THRA: variants seen among roughly 807,000 people sequenced by gnomAD.
The protein encoded by THRA is thyroid hormone receptor alpha.
In THRA, 13 loss-of-function variants were observed where a neutral mutation model predicts 45.0. The ratio of observed to expected loss-of-function variants is 0.29; its 90% CI spans 0.19 to 0.46. THRA has a LOEUF of 0.46. Ranked by LOEUF, THRA falls within the 20% of genes least tolerant of loss-of-function variation. The pLI is 1.00. For synonymous variants in THRA, 195 were observed against 214.0 expected (o/e 0.91, Z 0.78); for missense variants, 278 against 556.1 (o/e 0.50, Z 5.03).
rs755937821 is a variant in THRA at position 40,080,717 on chromosome 17, CTT to C, written c.223-3097_223-3096del. Among the ~76,000 whole-genome samples the C allele has an allele frequency of 6.2e-3, 617 of 99,250 alleles. 5 individuals are homozygous for C. Among genetic ancestry groups the C allele is most frequent in the African/African-American group, 0.023 (584 of 25,060 alleles). The allele number at this position is 99,250 out of a possible 152,430, so 65.1% of individuals were successfully genotyped here. On this transcript the variant is annotated intron_variant, in intron 4 of 8. Transcript: ENST00000450525. ...TATCTTTGGTAGGTGCCTTTGGTGA[CTT>C]TTTTTTTTTTTTTTTTTTTTCAAGA...
chr17:40,086,478 CATT>C (rs1798696821), intron 6 of THRA, among the ~76,000 whole-genome samples: 1 of 152,172 alleles, frequency 6.6e-6, no homozygotes, highest in South Asian at 2.1e-4. Context: ...AGTATTCAGT[CATT>C]ATAGCTGCTA....
At chr17:40,069,327 C>T (rs553151904) in intron 1 of THRA, among the ~76,000 whole-genome samples, 3 of 150,138 alleles carry the variant, frequency 2.0e-5, no homozygotes, top group African/African-American at 7.4e-5. Context: ...GCCAGTTCTG[C>T]TTGGTTAGGG....
rs1458636609 is a variant in THRA at position 40,089,288 on chromosome 17, C to T, written c.1065C>T (p.His355=). Residue 355 remains histidine, a synonymous_variant, in exon 9 of 9, where the codon CAC becomes CAT. Transcript: ENST00000450525. The surrounding 1 kb of genome is among the most constrained non-coding windows in gnomAD (Gnocchi z 6.1). ...YLLAFEHYVN[H]RKHNIPHFWP... ...TGGCGTTCGAGCACTACGTCAACCA[C>T]CGCAAACACAACATTCCGCACTTCT... 1.2e-6 allele frequency: 2 copies of T among 1,614,034 alleles called. No individual in the cohort carries two copies. Among genetic ancestry groups the T allele is most frequent in the East Asian group, 2.2e-5 (1 of 44,866 alleles).
intron 6 of THRA, 138 bp downstream of exon 6, chr17:40,084,953 C>T (rs1263331089): frequency 1.1e-6 from 1 of 941,486 alleles, no homozygotes; most frequent in Non-Finnish European, 1.6e-6. Context: ...TTTTGCTGTC[C>T]AGATTTTATA....
At position 40,092,138 on chromosome 17, in the gene THRA, A is replaced by G. The variant is rs1987586549; in HGVS notation, c.*2682A>G. The G allele has an allele frequency of 6.6e-6, 1 of 151,918 alleles. No individual in the cohort carries two copies. The highest frequency in any genetic ancestry group is 1.5e-5 in the Non-Finnish European group (1 of 67,982). 9.4% of individuals were successfully genotyped at this position (151,918 alleles called of 1,614,324 possible). A position where few individuals can be genotyped will look rare whatever the true frequency, so the allele number is the denominator to read the frequency against. On this transcript the variant is annotated 3_prime_UTR_variant, in exon 9 of 9. Coordinates refer to ENST00000450525, the MANE Select transcript of THRA (RefSeq NM_199334.5). ...TCTCCATCTCAGTATTGCCCCTCCC[A>G]TCACTCATAACACACATACCTCATC... is the stretch of plus-strand genomic sequence containing the variant.
chr17:40,090,079 A>G lies in THRA; in HGVS notation c.*623A>G. On this transcript the variant is annotated 3_prime_UTR_variant, in exon 9 of 9. Transcript: ENST00000450525. ...AGAGAGCGAGCGATAGAGAGAGATG[A>G]TATTAAGTTATTAACTGAGGCTGAC... 1 of 973,028 alleles carries G rather than the reference A, an allele frequency of 1.0e-6. No individual in the cohort carries two copies. The highest frequency in any genetic ancestry group is 1.2e-6 in the Non-Finnish European group (1 of 818,284). The allele number at this position is 973,028 out of a possible 1,614,324, so 60.3% of individuals were successfully genotyped here.
chr17:40,086,943 C>G, intron 7 of THRA, 90 bp downstream of exon 7: 1 of 1,561,378 alleles, frequency 6.4e-7, no homozygotes, highest in South Asian at 1.2e-5. Flanking sequence ...CTGAGGTTCT[C>G]TGGACAAGGA....
chr17:40,087,096 ACACACATACACACACACATACACCCAG>A (rs1299365520), intron 7 of THRA: 1 of 517,962 alleles, frequency 1.9e-6, no homozygotes, highest in Admixed American at 3.5e-5. Context: ...ACGTACACAG[ACACACATACACACACACATACACCCAG>A]CACACAGACA....
chr17:40,091,587 C>G lies in THRA; in HGVS notation c.*2131C>G, dbSNP rs930944804. On this transcript the variant is annotated 3_prime_UTR_variant, in exon 9 of 9. Coordinates refer to ENST00000450525, the MANE Select transcript of THRA (RefSeq NM_199334.5). ...TCTGCTGTCTTCCCCATCCCTCCAT[C>G]CCCACCCCAACCCCTCCATCCCCAT... 6 of 147,134 alleles carry G rather than the reference C, an allele frequency of 4.1e-5. No individual in the cohort carries two copies. Among genetic ancestry groups the G allele is most frequent in the African/African-American group, 1.5e-4 (6 of 40,318 alleles). The allele number at this position is 147,134 out of a possible 1,614,324, so 9.1% of individuals were successfully genotyped here. A position where few individuals can be genotyped will look rare whatever the true frequency, so the allele number is the denominator to read the frequency against.
At position 40,092,166 on chromosome 17, in the gene THRA, G is replaced by C. The variant is rs1273491655; in HGVS notation, c.*2710G>C. ...ACTCATAACACACATACCTCATCCA[G>C]CCTCCTCCCTGCTCAGACTTGGGGA... On this transcript the variant is annotated 3_prime_UTR_variant, in exon 9 of 9. Transcript: ENST00000450525. 2 of 152,164 alleles carry C rather than the reference G, an allele frequency of 1.3e-5. No individual in the cohort carries two copies. Among genetic ancestry groups the C allele is most frequent in the East Asian group, 3.9e-4 (2 of 5,192 alleles). The allele number at this position is 152,164 out of a possible 1,614,324, so 9.4% of individuals were successfully genotyped here.
At chr17:40,080,800 G>T (rs1598394352) in intron 4 of THRA, among the ~76,000 whole-genome samples, 1 of 146,064 alleles carries the variant, frequency 6.8e-6, no homozygotes, top group East Asian at 2.0e-4. Flanking sequence ...TTGGCTCACT[G>T]CAACCTCTGC....
At chr17:40,087,644 A>AG (rs1475087845) in intron 7 of THRA, among the ~76,000 whole-genome samples, 1 of 152,206 alleles carries the variant, frequency 6.6e-6, no homozygotes, top group Non-Finnish European at 1.5e-5. Flanking sequence ...CTAGTGCTGG[A>AG]GACAGGCTGC....
chr17:40,069,333 TA>T (rs2145045988), intron 1 of THRA, among the ~76,000 whole-genome samples: 1 of 150,120 alleles, frequency 6.7e-6, no homozygotes, highest in South Asian at 2.1e-4. Flanking sequence ...TCTGCTTGGT[TA>T]GGGGCTAGCT....
intron 4 of THRA, among the ~76,000 whole-genome samples, chr17:40,081,983 A>T (rs771176519): frequency 4.6e-5 from 7 of 152,012 alleles, no homozygotes; most frequent in Admixed American, 1.3e-4. Flanking sequence ...AAAAAATTAA[A>T]TTAAAAAAAT....
At chr17:40,093,847 TAA>T, downstream of THRA, 1 of 1,454,506 alleles carries the variant, frequency 6.9e-7, no homozygotes, top group South Asian at 1.1e-5. The surrounding 1 kb of genome is among the most constrained non-coding windows in gnomAD (Gnocchi z 5.9). Context: ...AGGTACTCCA[TAA>T]AAGGTGTGTT....
Position 40,092,866 on chromosome 17 carries a change from A to C in THRA, c.*3410A>C. 1 of 1,057,194 alleles carries C rather than the reference A, an allele frequency of 9.5e-7. No homozygotes were observed. The highest frequency in any genetic ancestry group is 1.3e-6 in the Non-Finnish European group (1 of 748,418). 65.5% of individuals were successfully genotyped at this position (1,057,194 alleles called of 1,614,324 possible). On this transcript the variant is annotated 3_prime_UTR_variant, in exon 9 of 9. Transcript: ENST00000450525. The stretch of plus-strand genomic sequence containing the variant: ...GCCAGGGGAGGGTTGTGGGGGAGAC[A>C]GAGTGGTTTAAATAGGGGAGGAGGG...
chr17:40,091,384 C>T lies in THRA; in HGVS notation c.*1928C>T, dbSNP rs1311761314. The T allele has an allele frequency of 6.5e-6, 1 of 152,898 alleles. No homozygotes were observed. The highest frequency in any genetic ancestry group is 1.5e-5 in the Non-Finnish European group (1 of 68,586). 9.5% of individuals were successfully genotyped at this position (152,898 alleles called of 1,614,324 possible). A position where few individuals can be genotyped will look rare whatever the true frequency, so the allele number is the denominator to read the frequency against. On this transcript the variant is annotated 3_prime_UTR_variant, in exon 9 of 9. Coordinates refer to ENST00000450525, the MANE Select transcript of THRA (RefSeq NM_199334.5). ...GGTGGAGGGCCTGGAGGAGCACCCG[C>T]TGTCACCTGTGCATGTGCCTGTCCC...
intron 1 of THRA, among the ~76,000 whole-genome samples, chr17:40,065,614 A>G (rs766270929): frequency 2.0e-4 from 31 of 152,108 alleles, no homozygotes; most frequent in Middle Eastern, 3.2e-3. Flanking sequence ...CCAGTTGTTA[A>G]TACCCAAGCT....
rs769495515 is a variant in THRA at position 40,084,706 on chromosome 17, A to G, written c.467A>G (p.Gln156Arg). ...GAGGAGATGATCCGATCACTGCAGC[A>G]GCGACCAGAGCCCACTCCTGAAGAG... ...RKEEMIRSLQ[Q>R]RPEPTPEEWD... Residue 156 changes from glutamine to arginine, a missense_variant, in exon 6 of 9, where the codon CAG (glutamine) becomes CGG (arginine). By Grantham distance (43) the Gln-to-Arg change is conservative (BLOSUM62 1). This residue lies in a region of THRA where 111 missense variants were observed against 167.1 expected (regional missense o/e 0.66). Coordinates refer to ENST00000450525, the MANE Select transcript of THRA (RefSeq NM_199334.5). 1 of 1,614,128 alleles carries G rather than the reference A, an allele frequency of 6.2e-7. No individual in the cohort carries two copies. The highest frequency in any genetic ancestry group is 8.5e-7 in the Non-Finnish European group (1 of 1,180,034).
Sources: allele counts gnomAD v4.1 joint callset (sites outside exome capture counted in the v4.1 genomes callset), GRCh38; gene constraint gnomAD v4.1.1; regional missense constraint gnomAD v4.1.1; non-coding constraint Gnocchi (gnomAD v3.1); transcripts MANE v1.5; gene names NCBI Gene and HGNC (gene_info 2026-07-23, HGNC 2026-07-21).